STPG2: variants seen among roughly 807,000 people sequenced by gnomAD.
STPG2 encodes sperm-tail PG-rich repeat-containing protein 2.
A neutral mutation model predicts 54.2 loss-of-function variants in STPG2; 56 were observed. That is an observed-to-expected ratio of 1.03 (90% CI 0.83 to 1.29). The LOEUF (loss-of-function observed/expected upper bound fraction) is 1.29, where lower values mean the gene tolerates loss of function less well. Among genes scored for constraint, STPG2 ranks in the 50% most tolerant of loss-of-function variants. STPG2 has a pLI of 0.00. For missense variants in STPG2, 596 were observed against 544.9 expected (o/e 1.09, Z -0.93); for synonymous variants, 200 against 181.8 (o/e 1.10, Z -0.81).
intron 10 of STPG2, among the ~76,000 whole-genome samples, chr4:97,609,055 G>A (rs527688779): frequency 2.6e-5 from 4 of 152,028 alleles, no homozygotes; most frequent in South Asian, 4.2e-4. Flanking sequence ...TTTAAAATAA[G>A]CATTTTTTTA....
At chr4:98,055,035 A>C (rs185089607) in intron 5 of STPG2, among the ~76,000 whole-genome samples, 58 of 152,260 alleles carry the variant, frequency 3.8e-4, no homozygotes, top group African/African-American at 1.4e-3. Context: ...TGTTCCTAGA[A>C]GCTACGCTGA....
At chr4:98,009,787 T>C (rs1222436258) in intron 5 of STPG2, among the ~76,000 whole-genome samples, 1 of 152,090 alleles carries the variant, frequency 6.6e-6, no homozygotes, top group African/African-American at 2.4e-5. Flanking sequence ...TTTACTATTA[T>C]CACATCCTTT....
intron 6 of STPG2, among the ~76,000 whole-genome samples, chr4:97,974,500 T>C (rs1734438790): frequency 6.6e-6 from 1 of 152,156 alleles, no homozygotes; most frequent in South Asian, 2.1e-4. Flanking sequence ...TTTGGCTCTG[T>C]CCCCACCCAA....
At chr4:97,497,690 C>G (rs1730640041) in intron 4 of STPG2, among the ~76,000 whole-genome samples, 1 of 151,780 alleles carries the variant, frequency 6.6e-6, no homozygotes, top group Non-Finnish European at 1.5e-5. Context: ...GGTGGTAATA[C>G]TGTAAGTGTT....
At chr4:98,084,768 G>A (rs1470820825) in intron 5 of STPG2, among the ~76,000 whole-genome samples, 1 of 152,120 alleles carries the variant, frequency 6.6e-6, no homozygotes, top group Non-Finnish European at 1.5e-5. Context: ...CTTTTATAAA[G>A]TGCCAGTTCA....
At chr4:97,634,925 T>C (rs911066424) in intron 10 of STPG2, among the ~76,000 whole-genome samples, 3 of 152,096 alleles carry the variant, frequency 2.0e-5, no homozygotes, top group East Asian at 1.9e-4. Context: ...TGCAGGATAT[T>C]ATCCAGGAGA....
At chr4:97,752,965 C>T (rs1326893284) in intron 9 of STPG2, among the ~76,000 whole-genome samples, 2 of 151,820 alleles carry the variant, frequency 1.3e-5, no homozygotes, top group Non-Finnish European at 1.5e-5. Context: ...CCATGTCAAT[C>T]TCCTCTGCAA....
intron 9 of STPG2, among the ~76,000 whole-genome samples, chr4:97,811,000 C>G (rs188273157): frequency 2.8e-4 from 42 of 152,184 alleles, no homozygotes; most frequent in Admixed American, 2.0e-3. Context: ...CTTTTGTTCA[C>G]TTCTTAAAAG....
intron 4 of STPG2, among the ~76,000 whole-genome samples, chr4:97,505,048 T>C (rs990004163): frequency 1.3e-5 from 2 of 151,828 alleles, no homozygotes; most frequent in Non-Finnish European, 2.9e-5. Flanking sequence ...GTGGTATTTT[T>C]TTTTTTCATT....
rs1226263930 is a variant in STPG2, at chr4:98,143,291, G to C, written c.-141C>G. 1 of 620,006 alleles carries C rather than the reference G, an allele frequency of 1.6e-6. No individual in the cohort carries two copies. The highest frequency in any genetic ancestry group is 1.8e-5 in the African/African-American group (1 of 54,122). The allele number at this position is 620,006 out of a possible 1,614,324, so 38.4% of individuals were successfully genotyped here. On this transcript the variant is annotated 5_prime_UTR_variant, in exon 1 of 11. Transcript: ENST00000295268. Reference sequence around the variant, plus strand: ...GAACTTCCGTAAACAGGGAAATTAGGGGTGGGGTTGTCTCCCCGCCCGCTC... The same window carrying C: ...GAACTTCCGTAAACAGGGAAATTAGCGGTGGGGTTGTCTCCCCGCCCGCTC...
chr4:97,521,561 TG>T (rs1343149526), intron 4 of STPG2, among the ~76,000 whole-genome samples: 1 of 152,050 alleles, frequency 6.6e-6, no homozygotes, highest in Non-Finnish European at 1.5e-5. Flanking sequence ...ACAGTGAAAC[TG>T]GTACTAACAA....
intron 10 of STPG2, among the ~76,000 whole-genome samples, chr4:97,649,076 C>A (rs1248435563): frequency 6.6e-6 from 1 of 152,086 alleles, no homozygotes; most frequent in African/African-American, 2.4e-5. Flanking sequence ...CACTAATTGT[C>A]AGAAAATGCT....
chr4:97,900,587 C>T (rs1040603559), intron 8 of STPG2, among the ~76,000 whole-genome samples: 4 of 152,044 alleles, frequency 2.6e-5, no homozygotes, highest in Admixed American at 6.5e-5. Context: ...AAATACCATG[C>T]TGCCATAAGA....
intron 4 of STPG2, among the ~76,000 whole-genome samples, chr4:97,479,508 G>A (rs1384879236): frequency 6.6e-6 from 1 of 151,818 alleles, no homozygotes; most frequent in African/African-American, 2.4e-5. Flanking sequence ...TAATTTAGTG[G>A]ACTATAAATG....
At chr4:97,961,977 A>G (rs1189661572) in intron 7 of STPG2, among the ~76,000 whole-genome samples, 1 of 152,208 alleles carries the variant, frequency 6.6e-6, no homozygotes, top group African/African-American at 2.4e-5. Context: ...TCAATCAATG[A>G]GTGGATAAAG....
At chr4:97,996,626 A>G (rs184059164) in intron 5 of STPG2, among the ~76,000 whole-genome samples, 1 of 19,884 alleles carries the variant, frequency 5.0e-5, no homozygotes, top group African/African-American at 1.7e-4. Flanking sequence ...AACTATTAAC[A>G]GAGTAAACAG....
At chr4:97,463,983 A>G (rs1281232942) in intron 4 of STPG2, among the ~76,000 whole-genome samples, 1 of 152,164 alleles carries the variant, frequency 6.6e-6, no homozygotes, top group African/African-American at 2.4e-5. Flanking sequence ...CGTTACATAG[A>G]TGTACCAAAA....
At chr4:98,001,360 A>G (rs1735410710) in intron 5 of STPG2, among the ~76,000 whole-genome samples, 1 of 151,620 alleles carries the variant, frequency 6.6e-6, no homozygotes, top group Admixed American at 6.6e-5. Flanking sequence ...TATAATGTCT[A>G]TTTTGGTAAA....
chr4:97,480,066 C>G (rs1053704980), intron 4 of STPG2, among the ~76,000 whole-genome samples: 1 of 151,620 alleles, frequency 6.6e-6, no homozygotes, highest in African/African-American at 2.4e-5. Context: ...AACTGACAAA[C>G]TTCAAAATGA....
Sources: allele counts gnomAD v4.1 joint callset (sites outside exome capture counted in the v4.1 genomes callset), GRCh38; gene constraint gnomAD v4.1.1; transcripts MANE v1.5; gene names NCBI Gene and HGNC (gene_info 2026-07-23, HGNC 2026-07-21).